The following ERCC1 variants were observed in gnomAD, a reference collection of about 807,000 sequenced individuals.
ERCC1 encodes DNA excision repair protein ERCC-1.
A neutral mutation model predicts 37.6 loss-of-function variants in ERCC1; 36 were observed. The observed-to-expected ratio is 0.96, with a 90% CI of 0.73 to 1.26. The LOEUF is 1.26. ERCC1 is among the 50% of genes most tolerant of loss of function. ERCC1 has a pLI of 0.00. For synonymous variants in ERCC1, 156 were observed against 162.1 expected (o/e 0.96, Z 0.28); for missense variants, 349 against 376.5 (o/e 0.93, Z 0.60).
chr19:45,419,496 A>C (rs1974271976), intron 4 of ERCC1: 1 of 392,480 alleles, frequency 2.5e-6, no homozygotes, highest in Non-Finnish European at 4.9e-6. Flanking sequence ...GGCCCTAGAG[A>C]GTGTGGGCAC....
chr19:45,417,469 G>C (rs1974133425), intron 5 of ERCC1, among the ~76,000 whole-genome samples: 1 of 152,190 alleles, frequency 6.6e-6, no homozygotes. Context: ...CCAGAAAAGG[G>C]AATTCCAGAC....
intron 1 of ERCC1, among the ~76,000 whole-genome samples, chr19:45,451,223 T>C (rs916356125): frequency 6.6e-6 from 1 of 152,158 alleles, no homozygotes; most frequent in African/African-American, 2.4e-5. Flanking sequence ...CCCCGGCATG[T>C]CCGTCTGTCC....
In ERCC1 at chr19:45,414,924, C is replaced by A. The variant is rs1332396530; in HGVS notation, c.639G>T (p.Lys213Asn). The change falls in exon 7 of 10, where the codon AAG (lysine) becomes AAT (asparagine). Residue 213 changes from lysine (K) to asparagine (N), a missense_variant. By Grantham distance (94) the Lys-to-Asn change is moderately conservative. Transcript: ENST00000300853. ...GGTCCGCTGGTTTCTGCTCATAGGC[C>A]TTGTAGGTCTCCAGGTACCGCCCAG... ...EEAGRYLETY[K>N]AYEQKPADLL... is the part of the protein sequence containing the mutation. 6.2e-7 allele frequency: 1 copy of A among 1,613,800 alleles called. No individual in the cohort carries two copies. The highest frequency in any genetic ancestry group is 1.3e-5 in the African/African-American group (1 of 74,892).
intron 1 of ERCC1, among the ~76,000 whole-genome samples, chr19:45,430,097 A>G (rs924377785): frequency 2.6e-5 from 4 of 152,138 alleles, no homozygotes; most frequent in Admixed American, 1.3e-4. Context: ...GCAATTCCTC[A>G]AATAAAAACT....
intron 1 of ERCC1, among the ~76,000 whole-genome samples, chr19:45,442,749 C>T (rs985000818): frequency 1.3e-5 from 2 of 152,078 alleles, no homozygotes; most frequent in African/African-American, 4.8e-5. Flanking sequence ...TGGAAGAAGA[C>T]TAAGGGTAGC....
intron 1 of ERCC1, among the ~76,000 whole-genome samples, chr19:45,443,615 C>G (rs966491320): frequency 2.0e-5 from 3 of 152,198 alleles, no homozygotes; most frequent in Admixed American, 2.0e-4. Flanking sequence ...GGCCCCGCCC[C>G]CGGGAGCAGG....
chr19:45,426,448 G>A (rs1974694537), upstream of ERCC1, among the ~76,000 whole-genome samples: 1 of 151,078 alleles, frequency 6.6e-6, no homozygotes, highest in South Asian at 2.1e-4. Context: ...CTACTCAGGA[G>A]GCTGAGGCAG....
At chr19:45,413,828 C>T (rs1157693704) in intron 8 of ERCC1, 83 bp from the exon 9 acceptor site, 2 of 1,600,498 alleles carry the variant, frequency 1.2e-6, no homozygotes, top group Non-Finnish European at 1.7e-6. Context: ...CAGATATTCC[C>T]CAGGGGAGAT....
At chr19:45,442,423 A>G (rs1221682267) in intron 1 of ERCC1, among the ~76,000 whole-genome samples, 1 of 152,062 alleles carries the variant, frequency 6.6e-6, no homozygotes, top group Non-Finnish European at 1.5e-5. Context: ...AATATTAACT[A>G]TTTTTTATGT....
In ERCC1 at chr19:45,423,669, C is replaced by A. The variant is rs3212934; in HGVS notation, c.-8+112G>T. 256 of 1,267,090 alleles carry A rather than the reference C, an allele frequency of 2.0e-4. 1 individual carries two copies. In the African/African-American group the frequency reaches 3.6e-3, roughly 18 times the overall value. The allele number at this position is 1,267,090 out of a possible 1,614,324, so 78.5% of individuals were successfully genotyped here. ...CCCCGCCTTCCGTTCGTCCGGCCCC[C>A]GAGGCTAGCATCTGGACGCCCTCCC... is the stretch of plus-strand genomic sequence containing the variant. On this transcript the variant is annotated intron_variant, in intron 1 of 9. Coordinates refer to ENST00000300853, the MANE Select transcript of ERCC1 (RefSeq NM_001983.4).
intron 1 of ERCC1, among the ~76,000 whole-genome samples, chr19:45,448,963 G>A (rs1019683541): frequency 3.3e-5 from 5 of 152,122 alleles, no homozygotes; most frequent in Admixed American, 6.6e-5. Flanking sequence ...CATTAAATAC[G>A]TTTATATAAC....
chr19:45,450,778 A>AC (rs1967089715), intron 1 of ERCC1: 1 of 150,446 alleles, frequency 6.6e-6, no homozygotes. Flanking sequence ...TCTCAAAAAA[A>AC]AAAAAAAAAA....
chr19:45,419,562 C>T, intron 4 of ERCC1: 1 of 333,498 alleles, frequency 3.0e-6, no homozygotes. Context: ...ACCATCTGCT[C>T]TGGCCTTGGA....
intron 1 of ERCC1, among the ~76,000 whole-genome samples, chr19:45,434,697 T>C (rs1974928495): frequency 6.6e-6 from 1 of 152,128 alleles, no homozygotes; most frequent in Non-Finnish European, 1.5e-5. Context: ...GCAATTCTCC[T>C]GCCTCAGCCT....
rs953072003 is a variant in ERCC1, at chr19:45,439,933, A to G, written c.-7-16552T>C. Among the ~76,000 whole-genome samples the G allele has an allele frequency of 2.0e-5, 3 of 152,246 alleles. No homozygotes were observed. The East Asian group carries it at 5.8e-4, about 29-fold the overall frequency. On this transcript the variant is annotated intron_variant, in intron 1 of 8. Coordinates refer to the ERCC1 transcript ENST00000423698. ...TCCATTTTTACCCCAGCTCCGCTAAAAATAGTTGCCGCGCTCCGAGCCGAG... is the reference window on the plus strand; with the variant it reads ...TCCATTTTTACCCCAGCTCCGCTAAGAATAGTTGCCGCGCTCCGAGCCGAG...
chr19:45,445,183 T>G (rs1966903986), intron 1 of ERCC1, among the ~76,000 whole-genome samples: 1 of 152,082 alleles, frequency 6.6e-6, no homozygotes, highest in Non-Finnish European at 1.5e-5. Flanking sequence ...CGCCCAGCTA[T>G]TTCTTGTATT....
intron 1 of ERCC1, among the ~76,000 whole-genome samples, chr19:45,436,971 C>T (rs909197000): frequency 2.6e-5 from 4 of 151,466 alleles, no homozygotes; most frequent in South Asian, 2.1e-4. Context: ...AAATAAGGGC[C>T]GGGCATAGTG....
chr19:45,413,369 C>T (rs184348579), intron 9 of ERCC1: 4 of 594,252 alleles, frequency 6.7e-6, no homozygotes, highest in Admixed American at 5.9e-5. Context: ...TGGGCTCAAG[C>T]GATCCTCCCA....
intron 1 of ERCC1, among the ~76,000 whole-genome samples, chr19:45,439,345 C>A (rs117662966): frequency 0.032 from 4,934 of 152,120 alleles, 127 homozygotes; most frequent in Non-Finnish European, 0.052. Flanking sequence ...ACCTCAGTTT[C>A]CTCATTTATA....
Sources: allele counts gnomAD v4.1 joint callset (sites outside exome capture counted in the v4.1 genomes callset), GRCh38; gene constraint gnomAD v4.1.1; transcripts MANE v1.5; gene names NCBI Gene and HGNC (gene_info 2026-07-23, HGNC 2026-07-21).